FDFT1: variants seen among roughly 807,000 people sequenced by gnomAD.
FDFT1 encodes the protein farnesyl-diphosphate farnesyltransferase 1.
Under a neutral mutation model 46.8 loss-of-function variants are expected in FDFT1, and 68 were observed. That is an observed-to-expected ratio of 1.45 (90% confidence interval 1.19 to 1.78). The LOEUF is 1.78. Among genes scored for constraint, FDFT1 ranks in the 40% most tolerant of loss-of-function variants. The probability of loss-of-function intolerance (pLI) is 0.00; values close to 1 mark genes in which losing one functional copy is unlikely to be tolerated. For missense variants in FDFT1, 928 were observed against 524.4 expected (o/e 1.77, Z -7.52); for synonymous variants, 351 against 185.1 (o/e 1.90, Z -7.28).
chr8:11,817,048 A>G (rs1428772828), intron 3 of FDFT1, among the ~76,000 whole-genome samples: 2 of 152,178 alleles, frequency 1.3e-5, no homozygotes, highest in East Asian at 1.9e-4. Flanking sequence ...CGTTCCATCA[A>G]TATCTAGTTT....
In FDFT1 at chr8:11,802,742, A is replaced by G. The variant is rs934478692; in HGVS notation, c.-91A>G. The G allele has an allele frequency of 2.0e-6, 2 of 986,066 alleles. No homozygotes were observed. The highest frequency in any genetic ancestry group is 2.4e-4 in the Middle Eastern group (1 of 4,096). 61.1% of individuals were successfully genotyped at this position (986,066 alleles called of 1,614,324 possible). On this transcript the variant is annotated 5_prime_UTR_variant, in exon 1 of 8. Transcript: ENST00000220584. ...TGCCCCCTGTCCGGCCAGCCCCTCG[A>G]AGCACCTACTCCACAGGTCCAGCCG...
chr8:11,837,808 T>C (rs1811746659), intron 7 of FDFT1, among the ~76,000 whole-genome samples: 1 of 152,134 alleles, frequency 6.6e-6, no homozygotes, highest in Non-Finnish European at 1.5e-5. Context: ...GGGCCTAATC[T>C]CAGGCAGTAA....
At chr8:11,803,279 A>G in intron 1 of FDFT1, 3 of 1,329,340 alleles carry the variant, frequency 2.3e-6, no homozygotes, top group Non-Finnish European at 3.0e-6. Flanking sequence ...GTTACGCGGG[A>G]GAGGACGAGT....
Position 11,818,948 on chromosome 8 carries a change from C to G in FDFT1, c.382-2802C>G, listed in dbSNP as rs541784977. On this transcript the variant is annotated intron_variant, in intron 3 of 7. Transcript: ENST00000220584. ...AATTGATGCAGTTTCTTCCTAGCCTCGATGGTCTTTACAATTTGGCATGTT... is the reference window on the plus strand; with the variant it reads ...AATTGATGCAGTTTCTTCCTAGCCTGGATGGTCTTTACAATTTGGCATGTT... Among the ~76,000 whole-genome samples, 3 of 152,264 alleles carry G rather than the reference C, an allele frequency of 2.0e-5. No homozygotes were observed. In the East Asian group the frequency reaches 5.8e-4, roughly 29 times the overall value.
At chr8:11,829,952 A>G (rs965667336) in intron 5 of FDFT1, among the ~76,000 whole-genome samples, 2 of 151,788 alleles carry the variant, frequency 1.3e-5, no homozygotes, top group Non-Finnish European at 1.5e-5. Flanking sequence ...GGTTCAAGCA[A>G]TTCTTCTGTC....
At chr8:11,836,093 C>T (rs542499639) in intron 7 of FDFT1, among the ~76,000 whole-genome samples, 7 of 149,874 alleles carry the variant, frequency 4.7e-5, no homozygotes, top group South Asian at 2.1e-4. Context: ...GTGGAGGCTG[C>T]AGTGAGCCAA....
intron 2 of FDFT1, chr8:11,809,387 G>A (rs1807385671): frequency 1.7e-6 from 2 of 1,166,810 alleles, no homozygotes; most frequent in Non-Finnish European, 1.1e-6. Flanking sequence ...TGGTCTTCTG[G>A]TCTCCATAGT....
At chr8:11,821,396 G>T (rs1809217602) in intron 3 of FDFT1, among the ~76,000 whole-genome samples, 1 of 152,214 alleles carries the variant, frequency 6.6e-6, no homozygotes, top group South Asian at 2.1e-4. Flanking sequence ...TTTGAGACCA[G>T]CTTGGCCAAC....
intron 5 of FDFT1, among the ~76,000 whole-genome samples, chr8:11,826,672 G>A (rs534420508): frequency 2.6e-5 from 4 of 152,090 alleles, no homozygotes; most frequent in Admixed American, 1.3e-4. Flanking sequence ...AAAATTAGCC[G>A]GGCGTGGTGG....
At chr8:11,838,049 T>C (rs771110321) in intron 7 of FDFT1, among the ~76,000 whole-genome samples, 3 of 152,238 alleles carry the variant, frequency 2.0e-5, no homozygotes, top group Non-Finnish European at 4.4e-5. Flanking sequence ...TGTGCCTGTC[T>C]ACGTGAACTA....
Position 11,824,882 on chromosome 8 carries a change from C to A in FDFT1, c.511-1142C>A, listed in dbSNP as rs765361775. Among the ~76,000 whole-genome samples, 5 of 152,214 alleles carry A rather than the reference C, an allele frequency of 3.3e-5. No homozygotes were observed. In the South Asian group the frequency reaches 1.0e-3, roughly 32 times the overall value. ...TTCTGAGTAGCTGGGACTACAGGCA[C>A]CCGCCACCAGGCCAGCTAATTTTTT... is the stretch of plus-strand genomic sequence containing the variant. On this transcript the variant is annotated intron_variant, in intron 4 of 7. Transcript: ENST00000220584.
At chr8:11,798,285 C>G (rs937605461), upstream of FDFT1, 1 of 152,200 alleles carries the variant, frequency 6.6e-6, no homozygotes, top group African/African-American at 2.4e-5. Flanking sequence ...GTCTCAAAGT[C>G]CTGACCTCAA....
intron 1 of FDFT1, chr8:11,808,472 C>T (rs898451506): frequency 7.7e-7 from 1 of 1,291,456 alleles, no homozygotes; most frequent in Non-Finnish European, 9.8e-7. Flanking sequence ...CTTCCCAGAT[C>T]TGCTTGAGTC....
upstream of FDFT1, chr8:11,798,275 G>C (rs904789713): frequency 5.3e-5 from 8 of 152,150 alleles, no homozygotes; most frequent in Non-Finnish European, 1.2e-4. Flanking sequence ...AGCCAGGCTG[G>C]TCTCAAAGTC....
At chr8:11,825,583 T>C (rs1420899625) in intron 4 of FDFT1, among the ~76,000 whole-genome samples, 7 of 147,356 alleles carry the variant, frequency 4.8e-5, no homozygotes, top group African/African-American at 1.8e-4. Context: ...CTAGACACGG[T>C]GGTATTTGCC....
At chr8:11,828,859 C>T (rs1037898922) in intron 5 of FDFT1, among the ~76,000 whole-genome samples, 1 of 152,230 alleles carries the variant, frequency 6.6e-6, no homozygotes, top group Non-Finnish European at 1.5e-5. Flanking sequence ...TTTTTATCGC[C>T]TAGTATTATT....
chr8:11,814,325 C>T (rs965444006), intron 3 of FDFT1, among the ~76,000 whole-genome samples: 3 of 130,722 alleles, frequency 2.3e-5, no homozygotes, highest in African/African-American at 9.7e-5. Context: ...TTTGGAGGGA[C>T]ATGGGGGTAT....
chr8:11,797,654 A>G (rs990270543), upstream of FDFT1, among the ~76,000 whole-genome samples: 4 of 151,546 alleles, frequency 2.6e-5, no homozygotes, highest in African/African-American at 9.7e-5. Context: ...AAAAAAAAAA[A>G]AAAAAAGAAA....
chr8:11,828,801 G>A (rs773073053), intron 5 of FDFT1, among the ~76,000 whole-genome samples: 7 of 152,222 alleles, frequency 4.6e-5, no homozygotes, highest in Admixed American at 3.3e-4. Flanking sequence ...TTGCTAGCAT[G>A]TTTTCAGGGC....
Sources: allele counts gnomAD v4.1 joint callset (sites outside exome capture counted in the v4.1 genomes callset), GRCh38; gene constraint gnomAD v4.1.1; transcripts MANE v1.5; gene names NCBI Gene and HGNC (gene_info 2026-07-23, HGNC 2026-07-21).